Variants in SERPINA9 observed in about 807,000 individuals in gnomAD.
SERPINA9 encodes serpin family A member 9, also known as serpin A9.
A neutral mutation model predicts 24.5 loss-of-function variants in SERPINA9; 32 were observed. The ratio of observed to expected loss-of-function variants is 1.30; its 90% CI spans 0.98 to 1.75. The LOEUF (loss-of-function observed/expected upper bound fraction) is 1.75. Among genes scored for constraint, SERPINA9 ranks in the 40% most tolerant of loss-of-function variants. The pLI, the probability that SERPINA9 is intolerant of heterozygous loss-of-function variation, is 0.00. For synonymous variants in SERPINA9, 233 were observed against 197.7 expected (o/e 1.18, Z -1.50); for missense variants, 594 against 497.1 (o/e 1.19, Z -1.85).
At chr14:94,473,941 C>T (rs1321534038) in intron 1 of SERPINA9, among the ~76,000 whole-genome samples, 1 of 152,262 alleles carries the variant, frequency 6.6e-6, no homozygotes, top group African/African-American at 2.4e-5. Flanking sequence ...GAGACAACGT[C>T]TGCAGAACGC....
At chr14:94,475,836 T>A in intron 1 of SERPINA9, 1 of 475,804 alleles carries the variant, frequency 2.1e-6, no homozygotes. Flanking sequence ...CCCTCTCATT[T>A]GCTTCTAGCA....
At chr14:94,472,594 G>T (rs558311925) in intron 1 of SERPINA9, among the ~76,000 whole-genome samples, 1 of 151,632 alleles carries the variant, frequency 6.6e-6, no homozygotes, top group Non-Finnish European at 1.5e-5. Context: ...TACTATAGGA[G>T]GTGTTGGGGC....
intron 1 of SERPINA9, chr14:94,470,209 G>C (rs1186564550): frequency 5.9e-6 from 6 of 1,022,836 alleles, no homozygotes; most frequent in Non-Finnish European, 7.0e-6. Context: ...AATTGAGTAT[G>C]TGAACCCAGA....
chr14:94,473,641 CTG>C (rs1484592855), intron 1 of SERPINA9, among the ~76,000 whole-genome samples: 1 of 151,802 alleles, frequency 6.6e-6, no homozygotes, highest in Non-Finnish European at 1.5e-5. Context: ...CTGTGACAGA[CTG>C]GGGCTCTTCA....
At chr14:94,474,590 T>C (rs1209616680) in intron 1 of SERPINA9, among the ~76,000 whole-genome samples, 4 of 152,174 alleles carry the variant, frequency 2.6e-5, no homozygotes, top group Non-Finnish European at 5.9e-5. Context: ...CTCCCCACTT[T>C]GCTTCTCCCC....
chr14:94,468,699 C>T (rs1899138901), intron 2 of SERPINA9, among the ~76,000 whole-genome samples: 1 of 152,290 alleles, frequency 6.6e-6, no homozygotes, highest in East Asian at 1.9e-4. Flanking sequence ...CATATATCTA[C>T]ATCTATATCT....
At chr14:94,469,008 A>G (rs1236655484) in intron 2 of SERPINA9, among the ~76,000 whole-genome samples, 1 of 152,148 alleles carries the variant, frequency 6.6e-6, no homozygotes, top group African/African-American at 2.4e-5. Flanking sequence ...ACCCAAAGAG[A>G]ACTAAATGAG....
In SERPINA9 at chr14:94,470,295, C is replaced by T. The variant is rs867948503; in HGVS notation, c.-17-438G>A. 29 of 771,892 alleles carry T rather than the reference C, an allele frequency of 3.8e-5. No individual in the cohort carries two copies. The African/African-American group carries it at 5.3e-4, about 14-fold the overall frequency. 47.8% of individuals were successfully genotyped at this position (771,892 alleles called of 1,614,324 possible). A position where few individuals can be genotyped will look rare whatever the true frequency, so the allele number is the denominator to read the frequency against. ...CATTCTTTATCCATTTTGTGTAGAT[C>T]TGATTATTTTCTCACCCTGGCTGCC... On this transcript the variant is annotated intron_variant, in intron 1 of 4. Transcript: ENST00000674397.
At chr14:94,463,419 AAT>A (rs1566789233) in intron 4 of SERPINA9, 123 bp from the exon 5 acceptor site, 5 of 805,024 alleles carry the variant, frequency 6.2e-6, no homozygotes, top group African/African-American at 5.1e-5. Context: ...TCAAGGTTCA[AAT>A]GCCTGGCATT....
chr14:94,464,566 A>C, intron 4 of SERPINA9, 141 bp downstream of exon 4: 1 of 680,114 alleles, frequency 1.5e-6, no homozygotes, highest in Non-Finnish European at 2.5e-6. Flanking sequence ...ATAGGCCGCA[A>C]GATTCGGTTC....
intron 1 of SERPINA9, among the ~76,000 whole-genome samples, chr14:94,470,377 C>T (rs1051482221): frequency 1.3e-5 from 2 of 152,152 alleles, no homozygotes; most frequent in African/African-American, 2.4e-5. Context: ...AAGTGGAAAC[C>T]TGGAGCAAAA....
chr14:94,475,751 T>C (rs1595675080), intron 1 of SERPINA9, among the ~76,000 whole-genome samples: 1 of 152,296 alleles, frequency 6.6e-6, no homozygotes, highest in African/African-American at 2.4e-5. Context: ...TTGCTGTTAG[T>C]TTGGAAACTG....
Position 94,469,634 on chromosome 14 carries a change from G to A in SERPINA9, c.207C>T (p.Phe69=), listed in dbSNP as rs556808192. 2.7e-5 allele frequency: 43 copies of A among 1,614,150 alleles called. No homozygotes were observed. Among genetic ancestry groups the A allele is most frequent in the African/African-American group, 2.0e-4 (15 of 75,016 alleles). Residue 69 remains phenylalanine, a synonymous_variant, in exon 2 of 5, where the codon TTC becomes TTT. Coordinates refer to ENST00000674397, the MANE Select transcript of SERPINA9 (RefSeq NM_175739.4). ...AAGTGGAGACACTCACAGGGGAGAA[G>A]AAGATGTTCTGACTCGGGGTCTCCA... is the stretch of plus-strand genomic sequence containing the variant. The part of the protein sequence containing the change: ...LVLETPSQNI[F]FSPVSVSTSL...
At position 94,464,815 on chromosome 14, in the gene SERPINA9, G is replaced by A; in HGVS notation, c.942C>T (p.Ala314=). 6.2e-7 allele frequency: 1 copy of A among 1,613,614 alleles called. No homozygotes were observed. Among genetic ancestry groups the A allele is most frequent in the Non-Finnish European group, 8.5e-7 (1 of 1,179,584 alleles). ...GGAGGATGGTTTCCAGATTGTAGGA[G>A]GCAGAAATGGAAAATCTGGGGATGA... ...EVFIPRFSIS[A]SYNLETILPK... Residue 314 remains alanine, a synonymous_variant, in exon 4 of 5, where the codon GCC becomes GCT. Coordinates refer to ENST00000674397, the MANE Select transcript of SERPINA9 (RefSeq NM_175739.4).
rs1481557321 is a variant in SERPINA9 at position 94,463,162 on chromosome 14, C to G, written c.1185G>C (p.Met395Ile). 1 of 1,614,192 alleles carries G rather than the reference C, an allele frequency of 6.2e-7. No individual in the cohort carries two copies. Among genetic ancestry groups the G allele is most frequent in the South Asian group, 1.1e-5 (1 of 91,080 alleles). Residue 395 changes from methionine (M) to isoleucine (I), a missense_variant, in exon 5 of 5, where the codon ATG becomes ATC. Met to Ile is a conservative substitution (Grantham distance 10, BLOSUM62 1). Coordinates refer to ENST00000674397, the MANE Select transcript of SERPINA9 (RefSeq NM_175739.4). ...FTVSFNRTFL[M>I]MITNKATDGI... Reference sequence around the variant, plus strand: ...CGTCTGTGGCTTTATTTGTAATCATCATCAGGAAGGTCCTATTGAAGGAGA... The same window carrying G: ...CGTCTGTGGCTTTATTTGTAATCATGATCAGGAAGGTCCTATTGAAGGAGA...
intron 1 of SERPINA9, among the ~76,000 whole-genome samples, chr14:94,475,075 C>G (rs367848758): frequency 6.6e-6 from 1 of 152,276 alleles, no homozygotes; most frequent in Admixed American, 6.5e-5. Flanking sequence ...GCCTCTTTAT[C>G]CAGCTTGGGT....
intron 3 of SERPINA9, among the ~76,000 whole-genome samples, chr14:94,466,393 G>A (rs1359409265): frequency 6.6e-6 from 1 of 152,168 alleles, no homozygotes; most frequent in Non-Finnish European, 1.5e-5. Context: ...GTGGGGCATT[G>A]CCCAATCTCT....
intron 1 of SERPINA9, chr14:94,475,920 T>A: frequency 1.6e-6 from 1 of 613,674 alleles, no homozygotes; most frequent in Non-Finnish European, 2.8e-6. Flanking sequence ...CTCTGTGGCC[T>A]TACCTCCAAC....
chr14:94,476,093 T>C (rs1340296485), intron 1 of SERPINA9, 43 bp downstream of exon 1: 1 of 1,613,950 alleles, frequency 6.2e-7, no homozygotes, highest in African/African-American at 1.3e-5. Flanking sequence ...TCTGGCTCAG[T>C]GACACCACAT....
Sources: gnomAD v4.1 joint callset for allele counts (sites outside exome capture counted in the v4.1 genomes callset) on GRCh38, gnomAD v4.1.1 for gene constraint, MANE v1.5 for transcripts, NCBI Gene and HGNC (gene_info 2026-07-23, HGNC 2026-07-21) for gene names.